The following CCSER2 variants were observed in gnomAD, a reference collection of about 807,000 sequenced individuals.
The protein encoded by CCSER2 is serine-rich coiled-coil domain-containing protein 2.
Under a neutral mutation model 92.3 loss-of-function variants are expected in CCSER2, and 46 were observed. The observed-to-expected ratio is 0.50, with a 90% CI of 0.39 to 0.64. CCSER2 has a LOEUF of 0.64. CCSER2 is among the 30% of genes least tolerant of loss of function. The pLI, the probability that CCSER2 is intolerant of heterozygous loss-of-function variation, is 0.00. For missense variants in CCSER2, 1,244 were observed against 1,238.9 expected (o/e 1.00, Z -0.06); for synonymous variants, 433 against 431.4 (o/e 1.00, Z -0.04).
chr10:84,369,190 A>G (rs1845937867), intron 1 of CCSER2, among the ~76,000 whole-genome samples: 1 of 151,144 alleles, frequency 6.6e-6, no homozygotes, highest in Non-Finnish European at 1.5e-5. Context: ...GATACCCAGT[A>G]GTGAGATTGC....
rs1847851680 is a variant in CCSER2 at position 84,487,081 on chromosome 10, C to G, written c.2325+9417C>G. On this transcript the variant is annotated intron_variant, in intron 9 of 9. Transcript: ENST00000372088. ...ATGTGTGGTATTATTTCTGAGGGCT[C>G]TGTTCTGTTCCATTGGTCTATATCT... 2.0e-5 allele frequency among the ~76,000 whole-genome samples: 3 copies of G among 152,248 alleles called. 1 individual carries two copies. The highest frequency in any genetic ancestry group is 6.5e-5 in the Admixed American group (1 of 15,298).
At chr10:84,394,215 G>T (rs1589534877) in intron 3 of CCSER2, among the ~76,000 whole-genome samples, 1 of 152,246 alleles carries the variant, frequency 6.6e-6, no homozygotes, top group East Asian at 1.9e-4. Flanking sequence ...CTTCTACTAT[G>T]CTCCAGGCAT....
chr10:84,502,248 C>A (rs944073886), intron 9 of CCSER2, among the ~76,000 whole-genome samples: 4 of 151,836 alleles, frequency 2.6e-5, no homozygotes, highest in African/African-American at 9.7e-5. Context: ...ATACTTGTCT[C>A]CACATTTAAT....
At chr10:84,492,829 T>C (rs746837486) in intron 9 of CCSER2, among the ~76,000 whole-genome samples, 4 of 152,184 alleles carry the variant, frequency 2.6e-5, no homozygotes, top group Non-Finnish European at 5.9e-5. Context: ...TATGTAGTTC[T>C]TTTTATATAT....
rs192684397 is a variant in CCSER2 at position 84,336,342 on chromosome 10, T to A, written c.-40+7534T>A. ...TGGAGCTTACATTCTAATGACAAGA[T>A]ACAGAAAATAAGTATATGTGTAATA... On this transcript the variant is annotated intron_variant, in intron 1 of 9. Coordinates refer to ENST00000372088, the MANE Select transcript of CCSER2 (RefSeq NM_001284240.2). 2.0e-5 allele frequency among the ~76,000 whole-genome samples: 3 copies of A among 152,290 alleles called. No individual in the cohort carries two copies. In the East Asian group the frequency reaches 5.8e-4, roughly 29 times the overall value.
At chr10:84,435,766 A>G (rs1164044480) in intron 5 of CCSER2, among the ~76,000 whole-genome samples, 3 of 152,192 alleles carry the variant, frequency 2.0e-5, no homozygotes, top group Admixed American at 2.0e-4. Flanking sequence ...TGAATTGCAA[A>G]CAAAGTATAC....
intron 4 of CCSER2, among the ~76,000 whole-genome samples, chr10:84,418,924 G>C (rs1589609326): frequency 6.6e-6 from 1 of 152,198 alleles, no homozygotes; most frequent in Admixed American, 6.5e-5. Context: ...GGACCACTGT[G>C]GGGCAGGTTG....
At chr10:84,477,153 T>A (rs893224218) in intron 8 of CCSER2, among the ~76,000 whole-genome samples, 1 of 152,256 alleles carries the variant, frequency 6.6e-6, no homozygotes, top group African/African-American at 2.4e-5. Flanking sequence ...TACATCCATA[T>A]ACTTAACTCT....
intron 3 of CCSER2, among the ~76,000 whole-genome samples, chr10:84,409,310 A>ATT (rs11429977): frequency 2.7e-5 from 4 of 148,524 alleles, no homozygotes; most frequent in African/African-American, 5.0e-5. Context: ...ATTTAAAAAA[A>ATT]TTTTTTTTTT....
At chr10:84,403,781 G>A (rs1348995188) in intron 3 of CCSER2, among the ~76,000 whole-genome samples, 4 of 152,100 alleles carry the variant, frequency 2.6e-5, no homozygotes, top group African/African-American at 9.7e-5. Flanking sequence ...AAATGCTAGT[G>A]AAAATGCCGA....
At chr10:84,341,129 CT>C in intron 1 of CCSER2, among the ~76,000 whole-genome samples, 2 of 148,714 alleles carry the variant, frequency 1.3e-5, no homozygotes, top group Middle Eastern at 3.6e-3. Flanking sequence ...TAGCCTTAAC[CT>C]CCTGGACTCA....
intron 9 of CCSER2, among the ~76,000 whole-genome samples, chr10:84,478,555 A>G (rs550955748): frequency 6.6e-6 from 1 of 152,334 alleles, no homozygotes; most frequent in Admixed American, 6.5e-5. Flanking sequence ...TCATCTAACA[A>G]GTATTTTTTT....
At position 84,461,241 on chromosome 10, in the gene CCSER2, T is replaced by G. The variant is rs762834197; in HGVS notation, c.2065-2692T>G. On this transcript the variant is annotated intron_variant, in intron 6 of 9. Coordinates refer to ENST00000372088, the MANE Select transcript of CCSER2 (RefSeq NM_001284240.2). ...GTGTATGGAGATTATCTTTCTGTTA[T>G]TAGTTTCTAGTTAAATTCTCTTATA... 7.1e-4 allele frequency among the ~76,000 whole-genome samples: 108 copies of G among 152,292 alleles called. 1 individual carries two copies. The highest frequency in any genetic ancestry group is 2.1e-3 in the South Asian group (10 of 4,832).
At chr10:84,430,857 T>C (rs1843725186) in intron 5 of CCSER2, among the ~76,000 whole-genome samples, 3 of 152,240 alleles carry the variant, frequency 2.0e-5, no homozygotes, top group Admixed American at 6.5e-5. Context: ...TTTGCCAGTG[T>C]TCTTAGTGCT....
intron 9 of CCSER2, among the ~76,000 whole-genome samples, chr10:84,487,716 A>T (rs1226676805): frequency 6.6e-6 from 1 of 152,112 alleles, no homozygotes; most frequent in Non-Finnish European, 1.5e-5. Context: ...TCTTTTCCTA[A>T]TTGAATACCC....
chr10:84,332,436 A>ATTTTTTTTTTT (rs1187303667), intron 1 of CCSER2, among the ~76,000 whole-genome samples: 2 of 55,212 alleles, frequency 3.6e-5, no homozygotes, highest in Non-Finnish European at 5.3e-5. Context: ...ATATATATAT[A>ATTTTTTTTTTT]TTTTTTTTTT....
chr10:84,484,165 A>C lies in CCSER2; in HGVS notation c.2325+6501A>C, dbSNP rs189747180. ...ATTTTTTGTATTTTTTTTAGTAGAG[A>C]CGGGGTTTCACCGCGTTAGCCAGGA... On this transcript the variant is annotated intron_variant, in intron 9 of 9. Transcript: ENST00000372088. 2.1e-3 allele frequency among the ~76,000 whole-genome samples: 319 copies of C among 150,494 alleles called. 2 individuals carry two copies. The highest frequency in any genetic ancestry group is 6.5e-3 in the South Asian group (31 of 4,744).
Position 84,372,412 on chromosome 10 carries a change from A to C in CCSER2, c.1360A>C (p.Lys454Gln), listed in dbSNP as rs1589469849. The change falls in exon 2 of 10, where the codon AAG becomes CAG. Residue 454 changes from lysine (K) to glutamine (Q), a missense_variant. Transcript: ENST00000372088. ...ACCACAGGATATGTTTGATTCCCCC[A>C]AGGAAAATGAAAAAGCCTTCAGTAA... is the stretch of plus-strand genomic sequence containing the variant. The part of the protein sequence containing the change: ...GPPQDMFDSP[K>Q]ENEKAFSKTD... 2 of 1,591,498 alleles carry C rather than the reference A, an allele frequency of 1.3e-6. No homozygotes were observed. The highest frequency in any genetic ancestry group is 2.2e-5 in the East Asian group (1 of 44,770).
intron 3 of CCSER2, chr10:84,392,007 C>T (rs1304941901): frequency 1.5e-6 from 2 of 1,313,914 alleles, no homozygotes; most frequent in African/African-American, 2.9e-5. Context: ...CCAGTTTCCT[C>T]TTCCCTTAAA....
Sources: gnomAD v4.1 joint callset for allele counts (sites outside exome capture counted in the v4.1 genomes callset) on GRCh38, gnomAD v4.1.1 for gene constraint, MANE v1.5 for transcripts, NCBI Gene and HGNC (gene_info 2026-07-23, HGNC 2026-07-21) for gene names.